The following SLC26A8 variants were observed in gnomAD, a reference collection of about 807,000 sequenced individuals.
SLC26A8 encodes the protein testis anion transporter 1.
SLC26A8 carries 70 observed loss-of-function variants against 105.0 expected under a neutral mutation model. That is an observed-to-expected ratio of 0.67 (90% CI 0.55 to 0.81). The LOEUF (loss-of-function observed/expected upper bound fraction) is 0.81, where lower values mean the gene tolerates loss of function less well. Ranked by LOEUF, SLC26A8 falls within the 40% of genes least tolerant of loss-of-function variation. SLC26A8 has a pLI of 0.00. For missense variants in SLC26A8, 998 were observed against 1,181.8 expected, an observed-to-expected ratio of 0.84 and a Z score of 2.28; for synonymous variants, 415 against 438.3, an observed-to-expected ratio of 0.95 and a Z score of 0.66.
At chr6:35,964,583 G>A (rs1346127282) in intron 11 of SLC26A8, among the ~76,000 whole-genome samples, 1 of 151,818 alleles carries the variant, frequency 6.6e-6, no homozygotes, top group Non-Finnish European at 1.5e-5. Flanking sequence ...GGAGGCAGAG[G>A]TTTCAGTGAG....
At chr6:35,993,893 AG>A (rs1191328914) in intron 5 of SLC26A8, among the ~76,000 whole-genome samples, 3 of 152,016 alleles carry the variant, frequency 2.0e-5, no homozygotes, top group Non-Finnish European at 4.4e-5. Flanking sequence ...AAAAGAGGGT[AG>A]GTTAAGAAAA....
chr6:35,951,700 T>C (rs1180323718), intron 17 of SLC26A8, among the ~76,000 whole-genome samples: 2 of 152,108 alleles, frequency 1.3e-5, no homozygotes, highest in African/African-American at 4.8e-5. Context: ...CACCTCAGCC[T>C]CCCAAGTAGC....
chr6:35,951,244 T>C lies in SLC26A8; in HGVS notation c.2391A>G (p.Ser797=). 6.2e-7 allele frequency: 1 copy of C among 1,614,126 alleles called. No individual in the cohort carries two copies. The highest frequency in any genetic ancestry group is 8.5e-7 in the Non-Finnish European group (1 of 1,180,032). Reference sequence around the variant, plus strand: ...ACTCAGAGGAGCCTATGACCTTCCTTGACAAGGCAAACAGCACGGCGTCGT... The same window carrying C: ...ACTCAGAGGAGCCTATGACCTTCCTCGACAAGGCAAACAGCACGGCGTCGT... The part of the protein sequence containing the change: ...SVHDAVLFAL[S]RKVIGSSELS... The change falls in exon 19 of 20, where the codon TCA becomes TCG. Residue 797 remains serine, a synonymous_variant. Transcript: ENST00000490799.
intron 8 of SLC26A8, among the ~76,000 whole-genome samples, chr6:35,979,302 C>T (rs1018432346): frequency 6.6e-6 from 1 of 151,856 alleles, no homozygotes; most frequent in Admixed American, 6.6e-5. Flanking sequence ...ACGGTGAAAC[C>T]CCATCGCTAC....
intron 7 of SLC26A8, among the ~76,000 whole-genome samples, chr6:35,986,501 C>T (rs1773531077): frequency 6.6e-6 from 1 of 152,060 alleles, no homozygotes; most frequent in African/African-American, 2.4e-5. Context: ...CTCCCCAAAC[C>T]ACTCTCCCGC....
At chr6:35,974,703 T>C (rs367601496) in intron 10 of SLC26A8, among the ~76,000 whole-genome samples, 205 of 152,280 alleles carry the variant, frequency 1.3e-3, no homozygotes, top group Middle Eastern at 6.8e-3. Context: ...GGGGAAAGCA[T>C]TAGCAGATGA....
At chr6:35,994,862 C>T (rs1461338052) in intron 5 of SLC26A8, among the ~76,000 whole-genome samples, 1 of 152,240 alleles carries the variant, frequency 6.6e-6, no homozygotes, top group Non-Finnish European at 1.5e-5. Flanking sequence ...CAGGCGTGAG[C>T]CACTGTGGCT....
At position 35,953,136 on chromosome 6, in the gene SLC26A8, T is replaced by C. The variant is rs1771938777; in HGVS notation, c.2233-1637A>G. 4.0e-5 allele frequency among the ~76,000 whole-genome samples: 6 copies of C among 150,496 alleles called. No homozygotes were observed. The South Asian group carries it at 1.3e-3, about 32-fold the overall frequency. On this transcript the variant is annotated intron_variant, in intron 17 of 19. Coordinates refer to ENST00000490799, the MANE Select transcript of SLC26A8 (RefSeq NM_052961.4). ...GCAGTATACACAACTACAAAGGAAATGAAGAAACCTGTATTTTTAGAGTGC... is the reference window on the plus strand; with the variant it reads ...GCAGTATACACAACTACAAAGGAAACGAAGAAACCTGTATTTTTAGAGTGC...
intron 5 of SLC26A8, among the ~76,000 whole-genome samples, chr6:35,996,909 C>A (rs979830132): frequency 6.6e-6 from 1 of 151,978 alleles, no homozygotes; most frequent in Non-Finnish European, 1.5e-5. Flanking sequence ...GTGGCATGCA[C>A]CTGTAATCCC....
intron 2 of SLC26A8, among the ~76,000 whole-genome samples, chr6:36,018,372 T>C (rs851038): frequency 0.86 from 131,460 of 152,270 alleles, 57,491 homozygotes; most frequent in African/African-American, 0.96. Flanking sequence ...TATGGATGAA[T>C]CTTGAAAACA....
In SLC26A8 at chr6:36,019,506, T is replaced by C. The variant is rs764405692; in HGVS notation, c.188+14A>G. 87 of 1,609,090 alleles carry C rather than the reference T, an allele frequency of 5.4e-5. No homozygotes were observed. Among genetic ancestry groups the C allele is most frequent in the Admixed American group, 1.8e-4 (11 of 59,678 alleles). ...GCCCGGCTCGGCAGCAGGTGAAAGA[T>C]TGGACACACGCACCGGCACTGGACG... On this transcript the variant is annotated intron_variant, in intron 2 of 19. Transcript: ENST00000490799.
At chr6:36,010,536 C>CTTTTTTT (rs1173055463) in intron 3 of SLC26A8, among the ~76,000 whole-genome samples, 2 of 118,274 alleles carry the variant, frequency 1.7e-5, no homozygotes, top group Non-Finnish European at 3.4e-5. Flanking sequence ...TATATGTATT[C>CTTTTTTT]TTTTTTTTTT....
intron 7 of SLC26A8, among the ~76,000 whole-genome samples, chr6:35,987,252 AT>A (rs1188014504): frequency 1.7e-4 from 26 of 152,238 alleles, no homozygotes; most frequent in African/African-American, 5.3e-4. Flanking sequence ...AGATTGTAGC[AT>A]TTTAACACAT....
chr6:36,001,663 A>G (rs1761527292), intron 3 of SLC26A8, among the ~76,000 whole-genome samples: 1 of 152,260 alleles, frequency 6.6e-6, no homozygotes, highest in South Asian at 2.1e-4. Flanking sequence ...TCCTGGGCTT[A>G]GAAGGACTTT....
intron 1 of SLC26A8, among the ~76,000 whole-genome samples, chr6:36,022,031 G>A (rs12204910): frequency 0.15 from 22,083 of 151,882 alleles, 1,632 homozygotes; most frequent in African/African-American, 0.15. Flanking sequence ...TCAGTGGCGC[G>A]ATCTTAGCTC....
At position 36,014,479 on chromosome 6, in the gene SLC26A8, GA is replaced by G. The variant is rs1415681198; in HGVS notation, c.189-2108del. 9.4e-5 allele frequency among the ~76,000 whole-genome samples: 14 copies of G among 149,538 alleles called. No homozygotes were observed. The East Asian group carries it at 1.2e-3, about 12-fold the overall frequency. On this transcript the variant is annotated intron_variant, in intron 2 of 19. Coordinates refer to ENST00000490799, the MANE Select transcript of SLC26A8 (RefSeq NM_052961.4). ...GAAAGCACAAGGGAGATTTTGATAA[GA>G]GGGGGGATTTGCAGTTGCTAAAGAG...
chr6:35,976,426 A>AG lies in SLC26A8; in HGVS notation c.1173+777_1173+778insC, dbSNP rs540120170. Among the ~76,000 whole-genome samples, 74 of 148,062 alleles carry AG rather than the reference A, an allele frequency of 5.0e-4. 1 individual carries two copies. In the South Asian group the frequency reaches 0.015, roughly 31 times the overall value. ...GTAACAAGAGCAAAACTCCGTCTCAAAAAAAAAAAAAGGTCAAATTGGAAC... is the reference window on the plus strand; with the variant it reads ...GTAACAAGAGCAAAACTCCGTCTCAAGAAAAAAAAAAAGGTCAAATTGGAAC... On this transcript the variant is annotated intron_variant, in intron 9 of 19. Coordinates refer to ENST00000490799, the MANE Select transcript of SLC26A8 (RefSeq NM_052961.4).
chr6:35,982,001 A>G, intron 8 of SLC26A8, 120 bp downstream of exon 8: 1 of 1,002,518 alleles, frequency 1.0e-6, no homozygotes, highest in African/African-American at 1.6e-5. Context: ...TCTGTGTTCA[A>G]AAATGAATTT....
chr6:35,984,935 C>T (rs1773432942), intron 7 of SLC26A8, among the ~76,000 whole-genome samples: 1 of 152,184 alleles, frequency 6.6e-6, no homozygotes, highest in Non-Finnish European at 1.5e-5. Context: ...CAGCATTAAC[C>T]TCAAAACAGA....
Sources: allele counts gnomAD v4.1 joint callset (sites outside exome capture counted in the v4.1 genomes callset), GRCh38; gene constraint gnomAD v4.1.1; transcripts MANE v1.5; gene names NCBI Gene and HGNC (gene_info 2026-07-23, HGNC 2026-07-21).